Variants in GATA3 observed in about 807,000 individuals in gnomAD.
GATA3 encodes GATA binding protein 3.
Under a neutral mutation model 36.0 loss-of-function variants are expected in GATA3, and 6 were observed. The ratio of observed to expected loss-of-function variants is 0.17; its 90% CI spans 0.09 to 0.33. The LOEUF (loss-of-function observed/expected upper bound fraction) is 0.33. GATA3 is among the 10% of genes least tolerant of loss of function. The probability of loss-of-function intolerance (pLI) is 1.00; values close to 1 mark genes in which losing one functional copy is unlikely to be tolerated. For synonymous variants in GATA3, 326 were observed against 273.0 expected, an observed-to-expected ratio of 1.19 and a Z score of -1.92; for missense variants, 514 against 610.1, an observed-to-expected ratio of 0.84 and a Z score of 1.66.
chr10:8,055,424 T>G lies in GATA3; in HGVS notation c.-232T>G. The G allele has an allele frequency of 1.7e-6, 1 of 592,684 alleles. No individual in the cohort carries two copies. 36.7% of individuals were successfully genotyped at this position (592,684 alleles called of 1,614,324 possible). On this transcript the variant is annotated 5_prime_UTR_variant, in exon 2 of 6. Coordinates refer to ENST00000379328, the MANE Select transcript of GATA3 (RefSeq NM_001002295.2). The surrounding 1 kb of genome is among the most constrained non-coding windows in gnomAD (Gnocchi z 5.4). ...TCTGCCGTACCCAGTTTTTGGATTT[T>G]TGTCTTCCCCTTCTTCTCTTTGCTA...
intron 1 of GATA3, among the ~76,000 whole-genome samples, chr10:8,047,439 C>T (rs1267763654): frequency 1.3e-5 from 2 of 152,272 alleles, no homozygotes; most frequent in African/African-American, 4.8e-5. Flanking sequence ...CCATTTTACA[C>T]ATAAATGTGC....
At chr10:8,061,898 C>T (rs1832754798) in intron 3 of GATA3, among the ~76,000 whole-genome samples, 1 of 152,200 alleles carries the variant, frequency 6.6e-6, no homozygotes, top group Admixed American at 6.5e-5. Context: ...GCCCTCTGCC[C>T]AGTGCCCAAG....
intron 5 of GATA3, among the ~76,000 whole-genome samples, chr10:8,071,593 T>A (rs572577898): frequency 6.6e-6 from 1 of 152,314 alleles, no homozygotes; most frequent in African/African-American, 2.4e-5. Context: ...ATGAGCTTGG[T>A]CTTCATGGCT....
At chr10:8,048,951 G>A (rs111935719), upstream of GATA3, among the ~76,000 whole-genome samples, 1 of 152,032 alleles carries the variant, frequency 6.6e-6, no homozygotes, top group African/African-American at 2.4e-5. Context: ...GCCGGGCTGG[G>A]GGCGGAGTGC....
At chr10:8,056,711 A>G (rs1162281455) in intron 2 of GATA3, among the ~76,000 whole-genome samples, 1 of 152,058 alleles carries the variant, frequency 6.6e-6, no homozygotes, top group Non-Finnish European at 1.5e-5. Context: ...AAGATGTAGG[A>G]TACACCCCCG....
Position 8,074,034 on chromosome 10 carries a change from G to A in GATA3, c.*11G>A, listed in dbSNP as rs750390835. 3.7e-6 allele frequency: 6 copies of A among 1,613,546 alleles called. No homozygotes were observed. The highest frequency in any genetic ancestry group is 3.3e-5 in the South Asian group (3 of 91,066). ...ACCGCCATGGGTTAGAGCCCTGCTC[G>A]ATGCTCACAGGGCCCCCAGCGAGAG... On this transcript the variant is annotated 3_prime_UTR_variant, in exon 6 of 6. Transcript: ENST00000379328.
upstream of GATA3, chr10:8,051,289 G>T: frequency 3.4e-6 from 1 of 293,342 alleles, no homozygotes. Context: ...TCAACTTGAC[G>T]CCTAAAGCAG....
rs192796488 is a variant in GATA3, at chr10:8,061,174, G to T, written c.778+2333G>T. Among the ~76,000 whole-genome samples the T allele has an allele frequency of 5.9e-5, 9 of 152,168 alleles. No homozygotes were observed. The East Asian group carries it at 1.7e-3, about 29-fold the overall frequency. On this transcript the variant is annotated intron_variant, in intron 3 of 5. Coordinates refer to ENST00000379328, the MANE Select transcript of GATA3 (RefSeq NM_001002295.2). Reference sequence around the variant, plus strand: ...GAGAGAGTTTTTGGGGTTGTCGCTGGAAACGGTTGAAGTCGTGGTTAGGGC... The same window carrying T: ...GAGAGAGTTTTTGGGGTTGTCGCTGTAAACGGTTGAAGTCGTGGTTAGGGC...
At chr10:8,061,297 A>C (rs444762) in intron 3 of GATA3, among the ~76,000 whole-genome samples, 101,975 of 152,036 alleles carry the variant, frequency 0.67, 34,201 homozygotes, top group South Asian at 0.76. Flanking sequence ...TCTTAGCTCC[A>C]CTGCCACCTT....
At chr10:8,048,566 G>C (rs1832420121) in intron 1 of GATA3, among the ~76,000 whole-genome samples, 1 of 152,166 alleles carries the variant, frequency 6.6e-6, no homozygotes, top group South Asian at 2.1e-4. Flanking sequence ...CAGGGACGCC[G>C]GCTGGGCTGC....
At position 8,073,886 on chromosome 10, in the gene GATA3, C is replaced by A. The variant is rs2131521636; in HGVS notation, c.1198C>A (p.His400Asn). 6.2e-7 allele frequency: 1 copy of A among 1,614,120 alleles called. No homozygotes were observed. The highest frequency in any genetic ancestry group is 8.5e-7 in the Non-Finnish European group (1 of 1,180,038). Residue 400 changes from histidine (H) to asparagine (N), a missense_variant, in exon 6 of 6, where the codon CAC becomes AAC. By Grantham distance (68) the His-to-Asn change is moderately conservative. Coordinates refer to ENST00000379328, the MANE Select transcript of GATA3 (RefSeq NM_001002295.2). ...SSFNPAALSR[H>N]MSSLSHISPF... Reference sequence around the variant, plus strand: ...GTTTAACCCGGCCGCCCTCTCCAGACACATGTCCTCCCTGAGCCACATCTC... The same window carrying A: ...GTTTAACCCGGCCGCCCTCTCCAGAAACATGTCCTCCCTGAGCCACATCTC...
chr10:8,066,662 T>C (rs1036169503), intron 4 of GATA3, among the ~76,000 whole-genome samples: 2 of 152,204 alleles, frequency 1.3e-5, no homozygotes, highest in Non-Finnish European at 2.9e-5. Context: ...ATGCAAGAAA[T>C]AGGAGAGATG....
chr10:8,056,124 GC>G (rs966573647), intron 2 of GATA3, among the ~76,000 whole-genome samples: 4 of 152,174 alleles, frequency 2.6e-5, no homozygotes, highest in African/African-American at 9.6e-5. Context: ...CCGGCTGGTG[GC>G]CCTGGGGCCT....
In GATA3 at chr10:8,058,499, G is replaced by C. The variant is rs752779081; in HGVS notation, c.436G>C (p.Ala146Pro). ...ASSSSLSGGH[A>P]SPHLFTFPPT... is the part of the protein sequence containing the mutation. ...GTCCTCCTCCTTGTCGGGGGGCCACGCCAGCCCGCACCTCTTCACCTTCCC... is the reference window on the plus strand; with the variant it reads ...GTCCTCCTCCTTGTCGGGGGGCCACCCCAGCCCGCACCTCTTCACCTTCCC... Residue 146 changes from alanine to proline, a missense_variant, in exon 3 of 6, where the codon GCC (alanine) becomes CCC (proline). Physicochemically the swap from Ala to Pro is conservative, Grantham distance 27 (BLOSUM62 -1). Transcript: ENST00000379328. 6.2e-7 allele frequency: 1 copy of C among 1,612,024 alleles called. No homozygotes were observed. The highest frequency in any genetic ancestry group is 8.5e-7 in the Non-Finnish European group (1 of 1,179,730).
chr10:8,060,970 G>A (rs1214247951), intron 3 of GATA3, among the ~76,000 whole-genome samples: 3 of 152,086 alleles, frequency 2.0e-5, no homozygotes, highest in Admixed American at 2.0e-4. Context: ...GGGACTTTTG[G>A]GAGTGTGGAG....
chr10:8,058,510 C>A lies in GATA3; in HGVS notation c.447C>A (p.His149Gln). Residue 149 changes from histidine to glutamine, a missense_variant, in exon 3 of 6, where the codon CAC (histidine) becomes CAA (glutamine). Coordinates refer to ENST00000379328, the MANE Select transcript of GATA3 (RefSeq NM_001002295.2). ...SSLSGGHASP[H>Q]LFTFPPTPPK... is the part of the protein sequence containing the mutation. Reference sequence around the variant, plus strand: ...TGTCGGGGGGCCACGCCAGCCCGCACCTCTTCACCTTCCCGCCCACCCCGC... The same window carrying A: ...TGTCGGGGGGCCACGCCAGCCCGCAACTCTTCACCTTCCCGCCCACCCCGC... 4 of 1,612,310 alleles carry A rather than the reference C, an allele frequency of 2.5e-6. No individual in the cohort carries two copies. Among genetic ancestry groups the A allele is most frequent in the Non-Finnish European group, 3.4e-6 (4 of 1,179,746 alleles).
intron 1 of GATA3, among the ~76,000 whole-genome samples, chr10:8,046,106 G>A (rs547430879): frequency 2.0e-5 from 3 of 152,146 alleles, no homozygotes; most frequent in Non-Finnish European, 4.4e-5. Flanking sequence ...TGAGAAAACC[G>A]CAGCCTCCCC....
intron 5 of GATA3, among the ~76,000 whole-genome samples, chr10:8,070,632 T>C (rs1832916695): frequency 6.6e-6 from 1 of 152,224 alleles, no homozygotes; most frequent in South Asian, 2.1e-4. Context: ...TGAACTCATC[T>C]TACTCAGGAA....
chr10:8,058,486 G>C lies in GATA3; in HGVS notation c.423G>C (p.Leu141Phe), dbSNP rs545553575. 1 of 1,612,340 alleles carries C rather than the reference G, an allele frequency of 6.2e-7. No individual in the cohort carries two copies. Among genetic ancestry groups the C allele is most frequent in the Non-Finnish European group, 8.5e-7 (1 of 1,179,752 alleles). Residue 141 changes from leucine (L) to phenylalanine (F), a missense_variant, in exon 3 of 6, where the codon TTG becomes TTC. Coordinates refer to ENST00000379328, the MANE Select transcript of GATA3 (RefSeq NM_001002295.2). ...ACCCCCCGGCCTCGTCCTCCTCCTT[G>C]TCGGGGGGCCACGCCAGCCCGCACC... ...SVYPPASSSS[L>F]SGGHASPHLF...
Sources: gnomAD v4.1 joint callset for allele counts (sites outside exome capture counted in the v4.1 genomes callset) on GRCh38, gnomAD v4.1.1 for gene constraint, Gnocchi (gnomAD v3.1) non-coding constraint, MANE v1.5 for transcripts, NCBI Gene and HGNC (gene_info 2026-07-23, HGNC 2026-07-21) for gene names.